The following SCYL2 variants were observed in gnomAD, a reference collection of about 807,000 sequenced individuals.
SCYL2 encodes SCY1-like protein 2.
Under a neutral mutation model 100.4 loss-of-function variants are expected in SCYL2, and 36 were observed. The observed-to-expected ratio is 0.36, with a 90% CI of 0.27 to 0.47. The LOEUF is 0.47. SCYL2 is among the 20% of genes least tolerant of loss of function. The pLI is 1.00. For synonymous variants in SCYL2, 330 were observed against 359.2 expected (o/e 0.92, Z 0.92); for missense variants, 902 against 1,083.9 (o/e 0.83, Z 2.36).
intron 2 of SCYL2, among the ~76,000 whole-genome samples, chr12:100,284,035 T>C (rs2096301772): frequency 2.0e-5 from 3 of 152,216 alleles, no homozygotes; most frequent in Admixed American, 2.0e-4. Context: ...CTAAAAACTA[T>C]TAATGAGGTC....
Position 100,274,209 on chromosome 12 carries a change from C to G in SCYL2, c.-29+6417C>G, listed in dbSNP as rs78259555. ...GTTAATAGAGAAAACAGGATACAAA[C>G]TACCTGAGATCAGTGGTCTTCAAAT... On this transcript the variant is annotated intron_variant, in intron 1 of 17. Transcript: ENST00000360820. Among the ~76,000 whole-genome samples the G allele has an allele frequency of 2.2e-3, 331 of 152,326 alleles. 5 individuals are homozygous for G. In the East Asian group the frequency reaches 0.037, roughly 17 times the overall value.
chr12:100,295,481 C>T lies in SCYL2; in HGVS notation c.336-2550C>T, dbSNP rs111797260. Among the ~76,000 whole-genome samples, 630 of 152,154 alleles carry T rather than the reference C, an allele frequency of 4.1e-3. 2 individuals carry two copies. The highest frequency in any genetic ancestry group is 6.9e-3 in the Admixed American group (106 of 15,298). On this transcript the variant is annotated intron_variant, in intron 3 of 17. Coordinates refer to ENST00000360820, the MANE Select transcript of SCYL2 (RefSeq NM_017988.6). ...GAGGCCGAGGCTGGCGGATCACTCG[C>T]GGTTAGGAGCTGGAGACCGGCCAGG...
chr12:100,323,815 T>C, intron 11 of SCYL2, 177 bp downstream of exon 11: 2 of 417,598 alleles, frequency 4.8e-6, no homozygotes, highest in Admixed American at 4.4e-5. Context: ...TAATTTATAA[T>C]ATTGCATTCC....
intron 10 of SCYL2, among the ~76,000 whole-genome samples, chr12:100,320,398 T>G (rs1405199936): frequency 6.6e-6 from 1 of 151,610 alleles, no homozygotes; most frequent in Non-Finnish European, 1.5e-5. Context: ...AATACAAAAA[T>G]TAGCTGGGTG....
intron 4 of SCYL2, among the ~76,000 whole-genome samples, chr12:100,306,131 G>A (rs2096334069): frequency 6.6e-6 from 1 of 152,060 alleles, no homozygotes; most frequent in African/African-American, 2.4e-5. Flanking sequence ...GAAAAAGAGG[G>A]ACTCCTCCCT....
intron 1 of SCYL2, among the ~76,000 whole-genome samples, chr12:100,271,281 A>AAAAAAAAAAAAAAAG (rs869276181): frequency 1.6e-5 from 2 of 128,906 alleles, no homozygotes; most frequent in Non-Finnish European, 3.2e-5. Flanking sequence ...AAAAAAAAAA[A>AAAAAAAAAAAAAAAG]AGAGAGAGAG....
At position 100,338,893 on chromosome 12, in the gene SCYL2, G is replaced by A. The variant is rs780618993; in HGVS notation, c.2511G>A (p.Met837Ile). Residue 837 changes from methionine (M) to isoleucine (I), a missense_variant, in exon 18 of 18, where the codon ATG (methionine) becomes ATA (isoleucine). Physicochemically the swap from Met to Ile is conservative, Grantham distance 10. Coordinates refer to ENST00000360820, the MANE Select transcript of SCYL2 (RefSeq NM_017988.6). ...AGACCCAACAAAGACCCACAGATAT[G>A]TCTGCCCTTAATAATCTCTTTGGCC... Reference protein sequence around the residue: ...AKQTQQRPTDMSALNNLFGPQ... With the variant: ...AKQTQQRPTDISALNNLFGPQ... 56 of 1,614,116 alleles carry A rather than the reference G, an allele frequency of 3.5e-5. No individual in the cohort carries two copies. The South Asian group carries it at 4.6e-4, about 13-fold the overall frequency.
chr12:100,317,030 A>G, intron 9 of SCYL2, among the ~76,000 whole-genome samples: 1 of 151,544 alleles, frequency 6.6e-6, no homozygotes, highest in East Asian at 1.9e-4. Flanking sequence ...TGGGAGGTCG[A>G]GGCTGCGGTA....
rs2096344498 is a variant in SCYL2 at position 100,313,328 on chromosome 12, G to T, written c.853-94G>T. The T allele has an allele frequency of 5.4e-6, 3 of 554,552 alleles. No homozygotes were observed. In the African/African-American group the frequency reaches 5.8e-5, roughly 11 times the overall value. 34.4% of individuals were successfully genotyped at this position (554,552 alleles called of 1,614,324 possible). On this transcript the variant is annotated intron_variant, in intron 6 of 17. Coordinates refer to ENST00000360820, the MANE Select transcript of SCYL2 (RefSeq NM_017988.6). Reference sequence around the variant, plus strand: ...TTAAAATGTAGTCAGTATATTTGTAGTAAAATATTGAGTAAATTTTTAAAT... The same window carrying T: ...TTAAAATGTAGTCAGTATATTTGTATTAAAATATTGAGTAAATTTTTAAAT...
intron 11 of SCYL2, 58 bp from the exon 12 acceptor site, chr12:100,326,564 A>G (rs2096362050): frequency 2.4e-6 from 3 of 1,258,612 alleles, no homozygotes; most frequent in Admixed American, 5.1e-5. Context: ...ACACTTAAAT[A>G]TTTTGTTCTA....
chr12:100,318,552 G>T (rs535293132), intron 10 of SCYL2, among the ~76,000 whole-genome samples: 17 of 152,008 alleles, frequency 1.1e-4, no homozygotes, highest in Admixed American at 2.6e-4. Context: ...GGCTGGTCTC[G>T]AACTCCTGAC....
At chr12:100,287,425 CTG>C (rs564173112) in intron 2 of SCYL2, among the ~76,000 whole-genome samples, 86 of 152,254 alleles carry the variant, frequency 5.6e-4, no homozygotes, top group South Asian at 2.1e-3. Flanking sequence ...TCCCAAGTAA[CTG>C]AGATTACAGA....
intron 10 of SCYL2, among the ~76,000 whole-genome samples, chr12:100,320,004 G>T (rs2096353804): frequency 1.3e-5 from 2 of 152,104 alleles, no homozygotes; most frequent in South Asian, 2.1e-4. Flanking sequence ...GGTAGAAGAT[G>T]GTTTGCAAAA....
At chr12:100,308,602 C>T (rs148450643) in intron 4 of SCYL2, among the ~76,000 whole-genome samples, 4 of 151,758 alleles carry the variant, frequency 2.6e-5, no homozygotes, top group African/African-American at 9.6e-5. Context: ...AAAAACTGCA[C>T]ATTCTGCACA....
At chr12:100,280,119 G>A (rs2096296518) in intron 1 of SCYL2, among the ~76,000 whole-genome samples, 3 of 152,078 alleles carry the variant, frequency 2.0e-5, no homozygotes, top group Admixed American at 2.0e-4. Flanking sequence ...GGCTCTTGCT[G>A]CCTGTTCAAT....
At chr12:100,306,105 A>G (rs2096334038) in intron 4 of SCYL2, among the ~76,000 whole-genome samples, 1 of 152,164 alleles carries the variant, frequency 6.6e-6, no homozygotes, top group Admixed American at 6.5e-5. Context: ...TCCTTCTGAA[A>G]CTATTCCAAA....
chr12:100,327,536 A>G (rs367916016), intron 12 of SCYL2, among the ~76,000 whole-genome samples: 1 of 148,220 alleles, frequency 6.7e-6, no homozygotes, highest in Non-Finnish European at 1.5e-5. Flanking sequence ...TTTTTTTGAG[A>G]TGGAGTCTCA....
chr12:100,295,146 A>C (rs773373521), intron 3 of SCYL2, among the ~76,000 whole-genome samples: 1 of 144,900 alleles, frequency 6.9e-6, no homozygotes. Context: ...GGATGGCGGC[A>C]GGGAAGAGGC....
At chr12:100,323,761 TG>T (rs1353011508) in intron 11 of SCYL2, 123 bp downstream of exon 11, 7 of 581,552 alleles carry the variant, frequency 1.2e-5, no homozygotes, top group African/African-American at 3.8e-5. Context: ...GTAGATAACT[TG>T]TATATAGTAC....
Sources: gnomAD v4.1 joint callset for allele counts (sites outside exome capture counted in the v4.1 genomes callset) on GRCh38, gnomAD v4.1.1 for gene constraint, MANE v1.5 for transcripts, NCBI Gene and HGNC (gene_info 2026-07-23, HGNC 2026-07-21) for gene names.